The following ZNF804B variants were observed in gnomAD, a reference collection of about 807,000 sequenced individuals.
The protein encoded by ZNF804B is zinc finger 804B.
A neutral mutation model predicts 101.4 loss-of-function variants in ZNF804B; 80 were observed. The observed-to-expected ratio is 0.79, with a 90% CI of 0.66 to 0.95. ZNF804B has a LOEUF of 0.95. ZNF804B is among the 40% of genes least tolerant of loss of function. ZNF804B has a pLI of 0.00. For synonymous variants in ZNF804B, 622 were observed against 558.8 expected (o/e 1.11, Z -1.59); for missense variants, 1,673 against 1,561.9 (o/e 1.07, Z -1.20).
rs565733120 is a variant in ZNF804B, at chr7:88,884,331, TTTAAAA to T, written c.108+124249_108+124254del. Among the ~76,000 whole-genome samples the T allele has an allele frequency of 4.0e-4, 61 of 151,966 alleles. No individual in the cohort carries two copies. In the East Asian group the frequency reaches 0.011, roughly 26 times the overall value. ...TTAATTTCCTTAATGTATTGGAGAC[TTTAAAA>T]TGAAAAGTACATGTATCTTGTTCAT... is the stretch of plus-strand genomic sequence containing the variant. On this transcript the variant is annotated intron_variant, in intron 1 of 3. Transcript: ENST00000333190.
In ZNF804B at chr7:89,257,103, AT is replaced by A. The variant is rs1403068652; in HGVS notation, c.249+38812del. 1.4e-4 allele frequency among the ~76,000 whole-genome samples: 22 copies of A among 152,236 alleles called. No individual in the cohort carries two copies. In the East Asian group the frequency reaches 1.7e-3, roughly 12 times the overall value. On this transcript the variant is annotated intron_variant, in intron 2 of 3. Coordinates refer to ENST00000333190, the MANE Select transcript of ZNF804B (RefSeq NM_181646.5). ...TGTAAAATGGCTCATTAAAGAACAA[AT>A]TTTGGGATTTTTTTTCTCATCATCT...
chr7:89,314,136 A>G (rs1008378034), intron 2 of ZNF804B, among the ~76,000 whole-genome samples: 1 of 152,178 alleles, frequency 6.6e-6, no homozygotes, highest in African/African-American at 2.4e-5. Flanking sequence ...CTGATAACAA[A>G]TCACATTTTA....
intron 1 of ZNF804B, among the ~76,000 whole-genome samples, chr7:88,927,339 A>G (rs752711192): frequency 4.6e-5 from 7 of 152,204 alleles, no homozygotes; most frequent in Non-Finnish European, 8.8e-5. Flanking sequence ...TAGTAAAAGC[A>G]CAAACTACTG....
intron 1 of ZNF804B, among the ~76,000 whole-genome samples, chr7:88,959,341 G>A (rs1793358562): frequency 6.6e-6 from 1 of 151,184 alleles, no homozygotes; most frequent in African/African-American, 2.4e-5. Flanking sequence ...TAAATATGTG[G>A]GTCCAGATTG....
chr7:89,228,299 G>A (rs1419122069), intron 2 of ZNF804B, among the ~76,000 whole-genome samples: 1 of 152,138 alleles, frequency 6.6e-6, no homozygotes, highest in Non-Finnish European at 1.5e-5. Context: ...CAGTGTGGAA[G>A]GGGACCCCAG....
chr7:88,947,661 A>C (rs1793156974), intron 1 of ZNF804B, among the ~76,000 whole-genome samples: 1 of 151,928 alleles, frequency 6.6e-6, no homozygotes, highest in African/African-American at 2.4e-5. Flanking sequence ...ACAGAACTTA[A>C]AGTATATATA....
In ZNF804B at chr7:89,335,188, A is replaced by G; in HGVS notation, c.2206A>G (p.Arg736Gly). Residue 736 changes from arginine (R) to glycine (G), a missense_variant, in exon 4 of 4, where the codon AGA becomes GGA. By Grantham distance (125) the Arg-to-Gly change is moderately radical. Transcript: ENST00000333190. ...CSSHRFNGNSRGNLLCFHKRE... is the reference protein window; with the variant it reads ...CSSHRFNGNSGGNLLCFHKRE... ...AAGTCATAGATTCAATGGTAATAGC[A>G]GAGGTAATTTGCTCTGCTTCCATAA... The G allele has an allele frequency of 6.2e-7, 1 of 1,613,906 alleles. No homozygotes were observed. The highest frequency in any genetic ancestry group is 8.5e-7 in the Non-Finnish European group (1 of 1,179,940).
chr7:88,875,327 A>G (rs1791913425), intron 1 of ZNF804B, among the ~76,000 whole-genome samples: 1 of 151,938 alleles, frequency 6.6e-6, no homozygotes, highest in Non-Finnish European at 1.5e-5. Context: ...AACTGAAGGA[A>G]ATAGAGACAC....
At chr7:89,075,255 G>C (rs575990660) in intron 1 of ZNF804B, among the ~76,000 whole-genome samples, 1 of 152,166 alleles carries the variant, frequency 6.6e-6, no homozygotes, top group Non-Finnish European at 1.5e-5. Flanking sequence ...CATGTCAGAC[G>C]TCTCTACGGC....
At chr7:89,183,937 G>A (rs1324442442) in intron 1 of ZNF804B, among the ~76,000 whole-genome samples, 1 of 152,102 alleles carries the variant, frequency 6.6e-6, no homozygotes, top group South Asian at 2.1e-4. Context: ...CTTTTATAGA[G>A]TTAGCCTTTT....
chr7:89,270,091 G>A (rs1195918642), intron 2 of ZNF804B, among the ~76,000 whole-genome samples: 1 of 152,088 alleles, frequency 6.6e-6, no homozygotes, highest in Non-Finnish European at 1.5e-5. Flanking sequence ...CATCAGTTTT[G>A]GCTTTTGCTG....
chr7:88,799,940 G>T (rs1235928076), intron 1 of ZNF804B, among the ~76,000 whole-genome samples: 2 of 152,032 alleles, frequency 1.3e-5, no homozygotes, highest in African/African-American at 4.8e-5. Context: ...TCATGAATTG[G>T]TCTCACATAC....
chr7:89,106,010 T>C (rs1366470809), intron 1 of ZNF804B, among the ~76,000 whole-genome samples: 4 of 152,146 alleles, frequency 2.6e-5, no homozygotes, highest in African/African-American at 9.7e-5. Flanking sequence ...CTTCCATGCT[T>C]CCTCAGGTAC....
chr7:89,108,190 T>C (rs754203523), intron 1 of ZNF804B, among the ~76,000 whole-genome samples: 6 of 151,488 alleles, frequency 4.0e-5, no homozygotes, highest in Admixed American at 2.0e-4. Context: ...AACCTCTTTG[T>C]GGGCATTAGT....
intron 2 of ZNF804B, among the ~76,000 whole-genome samples, chr7:89,317,715 C>T (rs1435050232): frequency 6.6e-6 from 1 of 152,234 alleles, no homozygotes; most frequent in East Asian, 1.9e-4. Flanking sequence ...AGTTCAAGTG[C>T]ATAAGTCTCA....
At chr7:88,900,978 AGTAGTGACCTCCTATTTTC>A (rs1485374375) in intron 1 of ZNF804B, among the ~76,000 whole-genome samples, 1 of 151,832 alleles carries the variant, frequency 6.6e-6, no homozygotes, top group Non-Finnish European at 1.5e-5. Flanking sequence ...TACTTCTAGA[AGTAGTGACCTCCTATTTTC>A]AATATAGCAT....
At chr7:89,013,692 A>G (rs1010977969) in intron 1 of ZNF804B, among the ~76,000 whole-genome samples, 1 of 152,134 alleles carries the variant, frequency 6.6e-6, no homozygotes, top group African/African-American at 2.4e-5. Context: ...TGATAACTCT[A>G]GTCTAGACCG....
chr7:88,933,647 A>G (rs1792923839), intron 1 of ZNF804B, among the ~76,000 whole-genome samples: 1 of 151,996 alleles, frequency 6.6e-6, no homozygotes. Context: ...AACAGTGACC[A>G]AGCTGAGTAT....
At chr7:89,210,409 C>T (rs899083461) in intron 1 of ZNF804B, among the ~76,000 whole-genome samples, 2 of 151,994 alleles carry the variant, frequency 1.3e-5, no homozygotes, top group Non-Finnish European at 2.9e-5. Flanking sequence ...TAAACGTGTG[C>T]CATGGTGGTT....
Sources: allele counts gnomAD v4.1 joint callset (sites outside exome capture counted in the v4.1 genomes callset), GRCh38; gene constraint gnomAD v4.1.1; transcripts MANE v1.5; gene names NCBI Gene and HGNC (gene_info 2026-07-23, HGNC 2026-07-21).